The following NPAS3 variants were observed in gnomAD, a reference collection of about 807,000 sequenced individuals.
NPAS3 encodes the protein neuronal PAS domain protein 3.
In NPAS3, 14 loss-of-function variants were observed where a neutral mutation model predicts 73.1. That is an observed-to-expected ratio of 0.19 (90% CI 0.13 to 0.30). The LOEUF (loss-of-function observed/expected upper bound fraction) is 0.30, where lower values mean the gene tolerates loss of function less well. Among genes scored for constraint, NPAS3 ranks in the 10% least tolerant of loss-of-function variants. The probability of loss-of-function intolerance (pLI) is 1.00; values close to 1 mark genes in which losing one functional copy is unlikely to be tolerated. For synonymous variants in NPAS3, 620 were observed against 541.5 expected (o/e 1.14, Z -2.01); for missense variants, 1,096 against 1,250.0 (o/e 0.88, Z 1.86).
intron 1 of NPAS3, among the ~76,000 whole-genome samples, chr14:32,983,894 G>A (rs912246577): frequency 2.0e-5 from 3 of 152,078 alleles, no homozygotes; most frequent in African/African-American, 7.2e-5. Context: ...ACTAATTTTT[G>A]TGTGTTTAGT....
intron 4 of NPAS3, among the ~76,000 whole-genome samples, chr14:33,457,910 A>G (rs7150947): frequency 1.3e-5 from 2 of 152,178 alleles, no homozygotes; most frequent in Admixed American, 1.3e-4. Context: ...TCAGCGTCTC[A>G]CTGTATCCTG....
chr14:33,291,958 A>G (rs2042116154), intron 3 of NPAS3, among the ~76,000 whole-genome samples: 1 of 152,230 alleles, frequency 6.6e-6, no homozygotes, highest in Non-Finnish European at 1.5e-5. Context: ...GTAGGGCTGC[A>G]TAAGTGGAGA....
intron 3 of NPAS3, among the ~76,000 whole-genome samples, chr14:33,259,922 C>T: frequency 6.6e-6 from 1 of 151,192 alleles, no homozygotes; most frequent in Non-Finnish European, 1.5e-5. Flanking sequence ...GATTGACTCA[C>T]TCAGTGGGGA....
chr14:33,622,881 G>A (rs1324584318), intron 5 of NPAS3, among the ~76,000 whole-genome samples: 1 of 152,118 alleles, frequency 6.6e-6, no homozygotes, highest in African/African-American at 2.4e-5. Flanking sequence ...TACTTGCCCG[G>A]CACCCAATAC....
At chr14:33,426,874 T>C (rs1204771387) in intron 4 of NPAS3, among the ~76,000 whole-genome samples, 3 of 152,074 alleles carry the variant, frequency 2.0e-5, no homozygotes, top group African/African-American at 7.2e-5. Flanking sequence ...TTGCAGTGAA[T>C]TGTGGCAAAT....
At chr14:33,193,742 T>G (rs1264711262) in intron 2 of NPAS3, among the ~76,000 whole-genome samples, 26 of 152,318 alleles carry the variant, frequency 1.7e-4, no homozygotes. Flanking sequence ...TTGAAATGAA[T>G]TTCACACCAT....
At chr14:33,248,161 C>T (rs866109131) in intron 3 of NPAS3, among the ~76,000 whole-genome samples, 1 of 152,184 alleles carries the variant, frequency 6.6e-6, no homozygotes, top group Admixed American at 6.5e-5. Flanking sequence ...CTTATTAGAA[C>T]TTATGAGAAT....
intron 10 of NPAS3, 33 bp from the exon 11 acceptor site, chr14:33,797,424 T>A (rs1196776986): frequency 6.2e-7 from 1 of 1,609,938 alleles, no homozygotes; most frequent in Middle Eastern, 1.7e-4. Context: ...AGAATGGGTG[T>A]CTGCACTCCT....
chr14:33,479,944 C>T (rs1594988933), intron 4 of NPAS3, among the ~76,000 whole-genome samples: 1 of 152,032 alleles, frequency 6.6e-6, no homozygotes. Flanking sequence ...AAGACATTTC[C>T]AACATTATCA....
At chr14:33,055,471 C>T (rs560651573) in intron 1 of NPAS3, among the ~76,000 whole-genome samples, 12 of 152,274 alleles carry the variant, frequency 7.9e-5, no homozygotes, top group Non-Finnish European at 1.2e-4. Flanking sequence ...TATATTAACT[C>T]GACCAAGGTT....
intron 1 of NPAS3, among the ~76,000 whole-genome samples, chr14:33,052,062 A>G (rs2138503319): frequency 6.6e-6 from 1 of 152,252 alleles, no homozygotes. Flanking sequence ...CCTGGCCATG[A>G]ATTACATTTT....
intron 6 of NPAS3, among the ~76,000 whole-genome samples, chr14:33,717,323 C>T (rs1473181043): frequency 1.2e-4 from 18 of 150,828 alleles, no homozygotes; most frequent in Non-Finnish European, 2.2e-4. Flanking sequence ...GTGACATAGG[C>T]ACAATGATTC....
chr14:33,778,935 A>G (rs1478314917), intron 9 of NPAS3, among the ~76,000 whole-genome samples: 1 of 152,184 alleles, frequency 6.6e-6, no homozygotes. Flanking sequence ...TTCAAAGTAC[A>G]CATGGGAGAA....
chr14:33,512,906 T>G (rs980258001), intron 4 of NPAS3, among the ~76,000 whole-genome samples: 1 of 152,072 alleles, frequency 6.6e-6, no homozygotes, highest in Non-Finnish European at 1.5e-5. Context: ...CATTTCTAAA[T>G]TTAGAAGGTT....
chr14:33,761,012 T>G (rs1319536819), intron 7 of NPAS3, among the ~76,000 whole-genome samples: 2 of 152,228 alleles, frequency 1.3e-5, no homozygotes, highest in Non-Finnish European at 2.9e-5. Context: ...CATCACTGGC[T>G]GTGTGGAGAA....
At chr14:32,969,227 G>C (rs904487877) in intron 1 of NPAS3, among the ~76,000 whole-genome samples, 3 of 152,088 alleles carry the variant, frequency 2.0e-5, no homozygotes, top group African/African-American at 7.2e-5. Context: ...GAGTACAGTG[G>C]TGAGAGAGAG....
chr14:33,306,138 T>C (rs1309795249), intron 3 of NPAS3, among the ~76,000 whole-genome samples: 2 of 152,296 alleles, frequency 1.3e-5, no homozygotes, highest in South Asian at 2.1e-4. Context: ...GAATCCATGA[T>C]ATAACGATAT....
intron 3 of NPAS3, among the ~76,000 whole-genome samples, chr14:33,238,641 G>A (rs1213196297): frequency 6.6e-6 from 1 of 151,978 alleles, no homozygotes; most frequent in Non-Finnish European, 1.5e-5. Context: ...GTCTGTAGAT[G>A]TCTATTATTG....
At chr14:33,160,144 A>G (rs1253892462) in intron 2 of NPAS3, among the ~76,000 whole-genome samples, 1 of 152,174 alleles carries the variant, frequency 6.6e-6, no homozygotes, top group East Asian at 1.9e-4. Context: ...TAAAAATGTC[A>G]TGTATGAGAC....
Sources: gnomAD v4.1 joint callset for allele counts (sites outside exome capture counted in the v4.1 genomes callset) on GRCh38, gnomAD v4.1.1 for gene constraint, MANE v1.5 for transcripts, NCBI Gene and HGNC (gene_info 2026-07-23, HGNC 2026-07-21) for gene names.